TRDN: variants seen among roughly 807,000 people sequenced by gnomAD.
The protein encoded by TRDN is triadin.
TRDN carries 161 observed loss-of-function variants against 149.7 expected under a neutral mutation model. The ratio of observed to expected loss-of-function variants is 1.08; its 90% CI spans 0.95 to 1.23. The LOEUF is 1.23. TRDN is among the 50% of genes most tolerant of loss of function. The pLI is 0.00. For synonymous variants in TRDN, 294 were observed against 250.5 expected (o/e 1.17, Z -1.64); for missense variants, 896 against 823.5 (o/e 1.09, Z -1.08).
chr6:123,310,923 A>C (rs894743758), intron 24 of TRDN, among the ~76,000 whole-genome samples: 2 of 151,982 alleles, frequency 1.3e-5, no homozygotes, highest in African/African-American at 4.8e-5. Context: ...GTGCAAATGC[A>C]ATTGGGTTTA....
intron 39 of TRDN, among the ~76,000 whole-genome samples, chr6:123,222,651 G>A (rs9372738): frequency 0.03 from 4,560 of 151,766 alleles, 200 homozygotes; most frequent in African/African-American, 0.099. Context: ...TTTATACTTC[G>A]TTGGCTAGAA....
intron 21 of TRDN, among the ~76,000 whole-genome samples, chr6:123,346,068 T>A (rs9320929): frequency 6.6e-6 from 1 of 151,940 alleles, no homozygotes; most frequent in East Asian, 1.9e-4. Flanking sequence ...ATGATGTTGA[T>A]GAAGGGGCGT....
At chr6:123,554,115 A>G (rs6942264) in intron 2 of TRDN, among the ~76,000 whole-genome samples, 4,840 of 152,280 alleles carry the variant, frequency 0.032, 109 homozygotes, top group African/African-American at 0.066. Flanking sequence ...CTCATGAAAC[A>G]ACTAATGTTT....
At chr6:123,605,712 C>T (rs7742374) in intron 1 of TRDN, among the ~76,000 whole-genome samples, 37,365 of 151,692 alleles carry the variant, frequency 0.25, 4,754 homozygotes, top group East Asian at 0.43. Context: ...TACAGTGAGC[C>T]GAGATTGTGC....
At chr6:123,351,323 T>A in intron 21 of TRDN, 1 of 952,878 alleles carries the variant, frequency 1.0e-6, no homozygotes, top group Non-Finnish European at 1.2e-6. Flanking sequence ...GATGGGCAGA[T>A]CAGGGATAAT....
intron 8 of TRDN, among the ~76,000 whole-genome samples, chr6:123,497,456 A>G (rs1392846399): frequency 6.6e-6 from 1 of 152,152 alleles, no homozygotes; most frequent in Non-Finnish European, 1.5e-5. Flanking sequence ...TTTCTTCCAT[A>G]CAAAAATAAC....
At chr6:123,575,465 T>C (rs1303122117) in intron 1 of TRDN, among the ~76,000 whole-genome samples, 1 of 152,098 alleles carries the variant, frequency 6.6e-6, no homozygotes, top group Non-Finnish European at 1.5e-5. Flanking sequence ...GAGCTAGTTA[T>C]TGATATGGCA....
chr6:123,505,703 CTT>C (rs930862671), intron 7 of TRDN, among the ~76,000 whole-genome samples: 5 of 145,644 alleles, frequency 3.4e-5, no homozygotes, highest in South Asian at 2.2e-4. Context: ...ACTCTATAAA[CTT>C]TTTTTTTTTT....
Position 123,349,885 on chromosome 6 carries a change from G to A in TRDN, c.1369+2654C>T, listed in dbSNP as rs571588028. On this transcript the variant is annotated intron_variant, in intron 21 of 40. Coordinates refer to ENST00000334268, the MANE Select transcript of TRDN (RefSeq NM_006073.4). Reference sequence around the variant, plus strand: ...TTACAAAGCTTGCAATAGCACTTGGGTTTTGCCTGGTGTTGTGACAACGTA... The same window carrying A: ...TTACAAAGCTTGCAATAGCACTTGGATTTTGCCTGGTGTTGTGACAACGTA... The A allele has an allele frequency of 7.9e-5, 78 of 985,370 alleles. No homozygotes were observed. The African/African-American group carries it at 1.3e-3, about 16-fold the overall frequency. The allele number at this position is 985,370 out of a possible 1,614,324, so 61.0% of individuals were successfully genotyped here.
intron 1 of TRDN, among the ~76,000 whole-genome samples, chr6:123,585,427 A>G (rs903355205): frequency 9.9e-5 from 15 of 152,018 alleles, no homozygotes; most frequent in Admixed American, 7.9e-4. Flanking sequence ...AAAAGAAGGT[A>G]ATGTGGAGTG....
At chr6:123,512,052 G>A (rs1368452015) in intron 7 of TRDN, among the ~76,000 whole-genome samples, 1 of 148,886 alleles carries the variant, frequency 6.7e-6, no homozygotes, top group African/African-American at 2.5e-5. Context: ...AGGGGTGAAT[G>A]AGGGTTATGG....
chr6:123,385,100 A>C (rs1405909978), intron 14 of TRDN, among the ~76,000 whole-genome samples: 1 of 152,158 alleles, frequency 6.6e-6, no homozygotes, highest in East Asian at 1.9e-4. Flanking sequence ...TGTCTCAAGT[A>C]AGGCCTATTA....
At chr6:123,305,587 C>G (rs1016804869) in intron 24 of TRDN, among the ~76,000 whole-genome samples, 1 of 152,088 alleles carries the variant, frequency 6.6e-6, no homozygotes, top group Non-Finnish European at 1.5e-5. Context: ...CCTGATGCCA[C>G]GACCAAAGAC....
At chr6:123,269,038 C>A (rs1384396265) in intron 31 of TRDN, among the ~76,000 whole-genome samples, 2 of 151,954 alleles carry the variant, frequency 1.3e-5, no homozygotes, top group Non-Finnish European at 2.9e-5. Flanking sequence ...ATTTTGCATG[C>A]AAGAGCCAGA....
chr6:123,599,624 A>C (rs1292220650), intron 1 of TRDN, among the ~76,000 whole-genome samples: 1 of 151,748 alleles, frequency 6.6e-6, no homozygotes, highest in East Asian at 1.9e-4. Context: ...TTATGTCCTG[A>C]AAGATTTCTG....
intron 24 of TRDN, among the ~76,000 whole-genome samples, chr6:123,287,292 T>C (rs907096702): frequency 3.3e-5 from 5 of 152,150 alleles, no homozygotes; most frequent in African/African-American, 9.7e-5. Flanking sequence ...CTATCCATGG[T>C]CTAAGCCTAC....
At chr6:123,307,220 GTTTAA>G (rs1198286730) in intron 24 of TRDN, among the ~76,000 whole-genome samples, 1 of 151,950 alleles carries the variant, frequency 6.6e-6, no homozygotes, top group African/African-American at 2.4e-5. Context: ...AAATACTCAG[GTTTAA>G]TTTAATTTAT....
At chr6:123,507,508 TA>T (rs1470543731) in intron 7 of TRDN, among the ~76,000 whole-genome samples, 3 of 152,096 alleles carry the variant, frequency 2.0e-5, no homozygotes, top group Non-Finnish European at 4.4e-5. Flanking sequence ...GAGTGACAAC[TA>T]AACAATGATG....
At chr6:123,457,486 C>G (rs1283339070) in intron 10 of TRDN, 1 of 363,616 alleles carries the variant, frequency 2.8e-6, no homozygotes, top group South Asian at 2.2e-5. Flanking sequence ...TTTAGAGATA[C>G]AAGTTTCTTG....
Sources: gnomAD v4.1 joint callset for allele counts (sites outside exome capture counted in the v4.1 genomes callset) on GRCh38, gnomAD v4.1.1 for gene constraint, MANE v1.5 for transcripts, NCBI Gene and HGNC (gene_info 2026-07-23, HGNC 2026-07-21) for gene names.